Variants in TBL1XR1 observed in about 807,000 individuals in gnomAD.
TBL1XR1 encodes the protein F-box-like/WD repeat-containing protein TBL1XR1.
In TBL1XR1, 5 loss-of-function variants were observed where a neutral mutation model predicts 66.9. The observed-to-expected ratio is 0.07, with a 90% confidence interval of 0.04 to 0.16. The LOEUF (loss-of-function observed/expected upper bound fraction) is 0.16. TBL1XR1 is among the 10% of genes least tolerant of loss of function. The pLI is 1.00. For synonymous variants in TBL1XR1, 210 were observed against 206.0 expected, an observed-to-expected ratio of 1.02 and a Z score of -0.17; for missense variants, 238 against 623.2, an observed-to-expected ratio of 0.38 and a Z score of 6.58.
intron 1 of TBL1XR1, among the ~76,000 whole-genome samples, chr3:177,144,441 T>C (rs188745309): frequency 6.6e-6 from 1 of 152,042 alleles, no homozygotes; most frequent in African/African-American, 2.4e-5. Context: ...TACTCAACTG[T>C]GTAGTTGTGA....
At chr3:177,077,076 CCTTAT>C (rs1235183379) in intron 2 of TBL1XR1, among the ~76,000 whole-genome samples, 1 of 152,160 alleles carries the variant, frequency 6.6e-6, no homozygotes, top group Non-Finnish European at 1.5e-5. Flanking sequence ...AGTCAACCCA[CCTTAT>C]CTACATACAA....
At chr3:177,175,883 C>T (rs956100151) in intron 1 of TBL1XR1, among the ~76,000 whole-genome samples, 3 of 151,594 alleles carry the variant, frequency 2.0e-5, no homozygotes, top group African/African-American at 7.3e-5. Flanking sequence ...ACGGTGAAAC[C>T]CCATCTCTAC....
chr3:177,050,390 A>C (rs1209231207), intron 6 of TBL1XR1, 88 bp downstream of exon 6: 1 of 1,485,030 alleles, frequency 6.7e-7, no homozygotes, highest in Admixed American at 2.3e-5. Context: ...CAACTAAGCA[A>C]CAACAGAAAA....
chr3:177,069,778 GAAGGAAAAGGAAGGA>G (rs1199975510), intron 2 of TBL1XR1, among the ~76,000 whole-genome samples: 113 of 93,026 alleles, frequency 1.2e-3, no homozygotes, highest in African/African-American at 4.4e-3. Context: ...GGAAGGAAAG[GAAGGAAAAGGAAGGA>G]AAGGAAGGAA....
intron 1 of TBL1XR1, among the ~76,000 whole-genome samples, chr3:177,153,877 CAAAA>C (rs1007822226): frequency 7.0e-5 from 3 of 43,076 alleles, no homozygotes; most frequent in Non-Finnish European, 9.8e-5. Context: ...AACTCCATCT[CAAAA>C]AAAAAAAAAA....
intron 2 of TBL1XR1, among the ~76,000 whole-genome samples, chr3:177,082,243 T>C (rs2108608627): frequency 6.6e-6 from 1 of 151,990 alleles, no homozygotes. Context: ...ATATTTGGAG[T>C]GATAAAAAGA....
At chr3:177,171,688 G>A (rs1468708024) in intron 1 of TBL1XR1, among the ~76,000 whole-genome samples, 5 of 106,696 alleles carry the variant, frequency 4.7e-5, no homozygotes, top group Admixed American at 4.3e-4. Context: ...GGGCAACAGA[G>A]CCAGACTCCG....
In TBL1XR1 at chr3:177,042,693, T is replaced by C. The variant is rs983328940; in HGVS notation, c.925+3436A>G. ...ATGTACCTGACAAGTGAGAGAAGTG[T>C]GTTCACTAATACCCATCTCATTTTA... On this transcript the variant is annotated intron_variant, in intron 10 of 15. Transcript: ENST00000457928. 1.3e-4 allele frequency among the ~76,000 whole-genome samples: 20 copies of C among 152,146 alleles called. 1 individual carries two copies. The highest frequency in any genetic ancestry group is 4.8e-4 in the African/African-American group (20 of 41,424).
intron 10 of TBL1XR1, chr3:177,041,319 C>A (rs1715553342): frequency 6.6e-6 from 1 of 152,284 alleles, no homozygotes; most frequent in Non-Finnish European, 1.5e-5. Flanking sequence ...GAGGAGAGAT[C>A]TAAAGACCTA....
chr3:177,038,043 G>A (rs1258099240), intron 12 of TBL1XR1, 55 bp downstream of exon 12: 2 of 1,527,014 alleles, frequency 1.3e-6, no homozygotes, highest in Non-Finnish European at 1.8e-6. Context: ...AAAATGGCCA[G>A]AGCAACCATA....
At chr3:177,157,084 C>T (rs777422690) in intron 1 of TBL1XR1, among the ~76,000 whole-genome samples, 1 of 152,150 alleles carries the variant, frequency 6.6e-6, no homozygotes, top group Non-Finnish European at 1.5e-5. Context: ...CAGTGTCTCA[C>T]ACCTGTAATC....
chr3:177,104,275 C>T (rs940216972), intron 1 of TBL1XR1, among the ~76,000 whole-genome samples: 1 of 152,012 alleles, frequency 6.6e-6, no homozygotes. Flanking sequence ...AAGAAAGAAA[C>T]AAAAACAGTA....
chr3:177,175,530 A>T (rs1317620741), intron 1 of TBL1XR1, among the ~76,000 whole-genome samples: 1 of 152,216 alleles, frequency 6.6e-6, no homozygotes, highest in Non-Finnish European at 1.5e-5. Context: ...GCAGGCAGAG[A>T]TCAGTATTGT....
At chr3:177,199,335 CAGA>C (rs1161751920), upstream of TBL1XR1, among the ~76,000 whole-genome samples, 2 of 151,204 alleles carry the variant, frequency 1.3e-5, no homozygotes, top group South Asian at 2.1e-4. Flanking sequence ...TAACACCTTT[CAGA>C]AGACTTTATT....
At chr3:177,099,809 T>C (rs2108674259) in intron 1 of TBL1XR1, among the ~76,000 whole-genome samples, 1 of 152,384 alleles carries the variant, frequency 6.6e-6, no homozygotes, top group Admixed American at 6.5e-5. Flanking sequence ...TTTTTGTCAC[T>C]TTTTGAGCTA....
At chr3:177,196,638 G>C (rs1371555006) in intron 1 of TBL1XR1, among the ~76,000 whole-genome samples, 26 of 151,564 alleles carry the variant, frequency 1.7e-4, no homozygotes, top group Admixed American at 1.7e-3. Context: ...AGCATGCACC[G>C]AAAAGCTCCT....
intron 1 of TBL1XR1, among the ~76,000 whole-genome samples, chr3:177,108,719 A>C (rs770800379): frequency 4.3e-4 from 65 of 152,326 alleles, no homozygotes; most frequent in Middle Eastern, 6.8e-3. Context: ...AAATTGTTTG[A>C]ATTATGAATT....
intron 4 of TBL1XR1, among the ~76,000 whole-genome samples, chr3:177,053,402 T>C (rs1347562630): frequency 6.6e-6 from 1 of 152,208 alleles, no homozygotes; most frequent in Non-Finnish European, 1.5e-5. Flanking sequence ...GGCAGTACCA[T>C]CCAGAGTTGG....
chr3:177,032,919 T>C, intron 14 of TBL1XR1, 52 bp downstream of exon 14: 1 of 1,407,314 alleles, frequency 7.1e-7, no homozygotes, highest in South Asian at 1.8e-5. Context: ...TATAGGCAAA[T>C]GCTTCTACCT....
Sources: allele counts gnomAD v4.1 joint callset (sites outside exome capture counted in the v4.1 genomes callset), GRCh38; gene constraint gnomAD v4.1.1; transcripts MANE v1.5; gene names NCBI Gene and HGNC (gene_info 2026-07-23, HGNC 2026-07-21).